The following MTHFD2L variants were observed in gnomAD, a reference collection of about 807,000 sequenced individuals.
The protein encoded by MTHFD2L is methylenetetrahydrofolate dehydrogenase (NADP+ dependent) 2 like, also known as bifunctional methylenetetrahydrofolate dehydrogenase/cyclohydrolase 2, mitochondrial.
Under a neutral mutation model 34.9 loss-of-function variants are expected in MTHFD2L, and 29 were observed. The ratio of observed to expected loss-of-function variants is 0.83; its 90% CI spans 0.62 to 1.13. The LOEUF (loss-of-function observed/expected upper bound fraction) is 1.13, where lower values mean the gene tolerates loss of function less well. MTHFD2L is among the 50% of genes most tolerant of loss of function. The pLI is 0.00. For missense variants in MTHFD2L, 481 were observed against 446.5 expected (o/e 1.08, Z -0.70); for synonymous variants, 167 against 155.7 (o/e 1.07, Z -0.54).
chr4:74,246,163 T>C (rs371627142), intron 6 of MTHFD2L, among the ~76,000 whole-genome samples: 3 of 145,642 alleles, frequency 2.1e-5, no homozygotes, highest in African/African-American at 5.1e-5. Flanking sequence ...TTTTAATGAT[T>C]GCCATTCTAA....
intron 6 of MTHFD2L, among the ~76,000 whole-genome samples, chr4:74,279,331 GAGAA>G (rs1367836245): frequency 6.6e-6 from 1 of 151,774 alleles, no homozygotes; most frequent in Non-Finnish European, 1.5e-5. Context: ...TTTGAAATCC[GAGAA>G]AGAAATACAC....
chr4:74,220,858 GT>G (rs1197771544), intron 5 of MTHFD2L, among the ~76,000 whole-genome samples: 3 of 149,292 alleles, frequency 2.0e-5, no homozygotes, highest in Non-Finnish European at 4.5e-5. Flanking sequence ...AACTTTTATG[GT>G]TTTTTTTCTA....
At chr4:74,194,020 G>C (rs1012359868) in intron 3 of MTHFD2L, 1 of 152,090 alleles carries the variant, frequency 6.6e-6, no homozygotes, top group African/African-American at 2.4e-5. Flanking sequence ...TATTAAGTAG[G>C]ATGTTAATTG....
intron 1 of MTHFD2L, among the ~76,000 whole-genome samples, chr4:74,172,060 C>T (rs539832534): frequency 2.6e-5 from 4 of 151,758 alleles, no homozygotes; most frequent in Non-Finnish European, 5.9e-5. Context: ...AAATAGCTGG[C>T]CAAAAAAGAG....
At chr4:74,173,135 G>T (rs1728346862) in intron 1 of MTHFD2L, among the ~76,000 whole-genome samples, 1 of 151,822 alleles carries the variant, frequency 6.6e-6, no homozygotes, top group Non-Finnish European at 1.5e-5. Flanking sequence ...TTTTTACCGG[G>T]CCATTCAATA....
At chr4:74,160,496 G>A (rs1023389719) in intron 1 of MTHFD2L, 4 of 154,152 alleles carry the variant, frequency 2.6e-5, no homozygotes, top group Admixed American at 6.4e-5. Context: ...TTGAAGTATC[G>A]TTTAACATTC....
intron 1 of MTHFD2L, among the ~76,000 whole-genome samples, chr4:74,166,973 C>A (rs1185039254): frequency 6.6e-6 from 1 of 152,038 alleles, no homozygotes; most frequent in Admixed American, 6.5e-5. Context: ...GACTTGGGAC[C>A]AGACCCATTC....
intron 6 of MTHFD2L, among the ~76,000 whole-genome samples, chr4:74,239,529 G>T (rs1187818244): frequency 1.3e-5 from 2 of 150,156 alleles, no homozygotes; most frequent in African/African-American, 4.9e-5. Flanking sequence ...TTTTACTGAA[G>T]CACATTTCCC....
At chr4:74,148,739 A>C (rs891538891) in intron 1 of MTHFD2L, among the ~76,000 whole-genome samples, 8 of 151,856 alleles carry the variant, frequency 5.3e-5, no homozygotes, top group African/African-American at 1.9e-4. Context: ...CTTACAGAGA[A>C]ACTCTTGAAT....
At chr4:74,170,824 T>C (rs1489078389) in intron 1 of MTHFD2L, among the ~76,000 whole-genome samples, 1 of 151,928 alleles carries the variant, frequency 6.6e-6, no homozygotes, top group Non-Finnish European at 1.5e-5. Context: ...TCATGTCCTT[T>C]GTAGGGACAT....
chr4:74,230,684 C>T (rs1246576), intron 6 of MTHFD2L, among the ~76,000 whole-genome samples: 143,566 of 152,152 alleles, frequency 0.94, 68,028 homozygotes, highest in Non-Finnish European at 0.99. Context: ...AGTAAGAGTA[C>T]TGGATGGTTG....
At chr4:74,261,246 C>G (rs1168582916) in intron 6 of MTHFD2L, among the ~76,000 whole-genome samples, 8 of 151,892 alleles carry the variant, frequency 5.3e-5, no homozygotes, top group Admixed American at 5.3e-4. Flanking sequence ...AGATAATCAA[C>G]TGATAAAATA....
intron 1 of MTHFD2L, among the ~76,000 whole-genome samples, chr4:74,138,966 G>A (rs1162656210): frequency 6.6e-6 from 1 of 152,188 alleles, no homozygotes; most frequent in Non-Finnish European, 1.5e-5. Context: ...GATTGGTTGA[G>A]TGTGAGCTGA....
chr4:74,245,118 C>A (rs1360498931), intron 6 of MTHFD2L, among the ~76,000 whole-genome samples: 1 of 149,798 alleles, frequency 6.7e-6, no homozygotes, highest in Non-Finnish European at 1.5e-5. Flanking sequence ...TGGCATGAAC[C>A]CGGGAGGCAG....
intron 5 of MTHFD2L, among the ~76,000 whole-genome samples, chr4:74,223,637 A>AC (rs1560504589): frequency 1.8e-4 from 4 of 22,380 alleles, no homozygotes; most frequent in Non-Finnish European, 7.6e-4. Context: ...AAAAACAAAT[A>AC]AAAATAAATA....
chr4:74,268,304 A>C (rs1745561129), intron 6 of MTHFD2L: 1 of 934,030 alleles, frequency 1.1e-6, no homozygotes, highest in Non-Finnish European at 1.3e-6. Flanking sequence ...CATTCACACA[A>C]ATTCCACTCT....
chr4:74,297,870 T>G (rs901052143), intron 7 of MTHFD2L, among the ~76,000 whole-genome samples: 11 of 151,976 alleles, frequency 7.2e-5, no homozygotes, highest in African/African-American at 2.7e-4. Context: ...ATCATTAGAG[T>G]AGAGAATTTT....
At chr4:74,245,903 G>A (rs1476322186) in intron 6 of MTHFD2L, among the ~76,000 whole-genome samples, 3 of 150,460 alleles carry the variant, frequency 2.0e-5, no homozygotes, top group Non-Finnish European at 4.4e-5. Flanking sequence ...TTGGTTCCAA[G>A]TCTTTGCTAT....
chr4:74,217,055 A>C (rs2110098863), intron 5 of MTHFD2L, among the ~76,000 whole-genome samples: 1 of 151,710 alleles, frequency 6.6e-6, no homozygotes, highest in East Asian at 1.9e-4. Flanking sequence ...TGTATCTCCT[A>C]ACTCACTTCC....
Sources: gnomAD v4.1 joint callset for allele counts (sites outside exome capture counted in the v4.1 genomes callset) on GRCh38, gnomAD v4.1.1 for gene constraint, MANE v1.5 for transcripts, NCBI Gene and HGNC (gene_info 2026-07-23, HGNC 2026-07-21) for gene names.